FTCDNL1: variants seen among roughly 807,000 people sequenced by gnomAD.
The protein encoded by FTCDNL1 is formiminotransferase cyclodeaminase N-terminal like, also known as formiminotransferase N-terminal subdomain-containing protein.
FTCDNL1 carries 11 observed loss-of-function variants against 5.9 expected under a neutral mutation model. That is an observed-to-expected ratio of 1.87 (90% confidence interval 1.18 to 3.10). The LOEUF (loss-of-function observed/expected upper bound fraction) is 3.10. Ranked by LOEUF, FTCDNL1 falls within the 30% of genes most tolerant of loss-of-function variation. FTCDNL1 has a pLI of 0.00. For synonymous variants in FTCDNL1, 58 were observed against 24.8 expected (o/e 2.34, Z -3.99); for missense variants, 115 against 65.5 (o/e 1.76, Z -2.61).
the FTCDNL1 span, among the ~76,000 whole-genome samples, chr2:199,676,557 T>C: frequency 6.6e-6 from 1 of 151,782 alleles, no homozygotes; most frequent in African/African-American, 2.4e-5. Flanking sequence ...TTATAAAATG[T>C]ACCCCTATAT....
chr2:199,717,985 A>AC, the FTCDNL1 span, among the ~76,000 whole-genome samples: 1 of 49,176 alleles, frequency 2.0e-5, no homozygotes, highest in Admixed American at 2.9e-4. Flanking sequence ...AACCAAAAAA[A>AC]CAAAAAAAAA....
chr2:199,776,568 C>T (rs1350663615), intron 3 of FTCDNL1, among the ~76,000 whole-genome samples: 3 of 152,186 alleles, frequency 2.0e-5, no homozygotes, highest in African/African-American at 7.2e-5. Flanking sequence ...CTCGGGTCCT[C>T]CTCTGCATCT....
At chr2:199,688,927 G>A in the FTCDNL1 span, among the ~76,000 whole-genome samples, 3 of 152,238 alleles carry the variant, frequency 2.0e-5, no homozygotes, top group African/African-American at 7.2e-5. Context: ...CAGAAGGGCA[G>A]CTACTCAGCT....
intron 3 of FTCDNL1, among the ~76,000 whole-genome samples, chr2:199,838,093 A>G (rs1702880536): frequency 6.6e-6 from 1 of 152,238 alleles, no homozygotes; most frequent in South Asian, 2.1e-4. Flanking sequence ...CAACAGGGTC[A>G]TGTTACAGAG....
intron 3 of FTCDNL1, among the ~76,000 whole-genome samples, chr2:199,844,157 T>A (rs79189297): frequency 0.2 from 30,585 of 150,790 alleles, 3,799 homozygotes; most frequent in South Asian, 0.28. Flanking sequence ...ATAAAATTAT[T>A]GATTTTTTTT....
At chr2:199,723,500 G>C in the FTCDNL1 span, among the ~76,000 whole-genome samples, 2 of 152,046 alleles carry the variant, frequency 1.3e-5, no homozygotes, top group Non-Finnish European at 2.9e-5. Flanking sequence ...TGCCCATTCA[G>C]TATGATATTG....
chr2:199,688,813 C>T, the FTCDNL1 span, among the ~76,000 whole-genome samples: 1 of 152,180 alleles, frequency 6.6e-6, no homozygotes, highest in East Asian at 1.9e-4. Flanking sequence ...AGTTCTGCCT[C>T]GGGTTGATAG....
At chr2:199,703,724 T>G in the FTCDNL1 span, among the ~76,000 whole-genome samples, 1 of 152,196 alleles carries the variant, frequency 6.6e-6, no homozygotes, top group Non-Finnish European at 1.5e-5. Flanking sequence ...AACTTACCCA[T>G]GTAACAAACC....
At chr2:199,738,855 C>T in the FTCDNL1 span, among the ~76,000 whole-genome samples, 4 of 152,170 alleles carry the variant, frequency 2.6e-5, no homozygotes, top group African/African-American at 7.2e-5. Flanking sequence ...AGTACTATAG[C>T]TTAAGACCCA....
chr2:199,812,820 T>A (rs1049389470), intron 4 of FTCDNL1, 96 bp from the exon 5 acceptor site: 2 of 602,138 alleles, frequency 3.3e-6, no homozygotes, highest in Non-Finnish European at 3.0e-6. Context: ...TTACTCCTAG[T>A]TAAATATTTT....
chr2:199,849,812 A>C (rs2106635079), intron 1 of FTCDNL1, among the ~76,000 whole-genome samples: 1 of 152,314 alleles, frequency 6.6e-6, no homozygotes, highest in South Asian at 2.1e-4. Context: ...TCAGGACCTC[A>C]TAACTTTGGT....
chr2:199,732,999 T>C, the FTCDNL1 span, among the ~76,000 whole-genome samples: 1 of 152,230 alleles, frequency 6.6e-6, no homozygotes, highest in Non-Finnish European at 1.5e-5. Flanking sequence ...GGGAAATTAT[T>C]AATTCTAACC....
At chr2:199,766,746 G>A (rs1698555787) in intron 3 of FTCDNL1, among the ~76,000 whole-genome samples, 1 of 152,136 alleles carries the variant, frequency 6.6e-6, no homozygotes, top group Non-Finnish European at 1.5e-5. Flanking sequence ...TGCTATGTAT[G>A]CAGATAGTAA....
downstream of FTCDNL1, among the ~76,000 whole-genome samples, chr2:199,757,562 G>GA (rs1285758911): frequency 4.0e-5 from 6 of 151,852 alleles, no homozygotes; most frequent in Non-Finnish European, 7.4e-5. Context: ...TAGATGACCA[G>GA]AAAAAAAAGC....
chr2:199,760,944 C>G (rs1449694155), intron 3 of FTCDNL1: 1 of 688,392 alleles, frequency 1.5e-6, no homozygotes, highest in Non-Finnish European at 2.7e-6. Flanking sequence ...GTCTGGCTGA[C>G]AGTAGCTACC....
At chr2:199,685,694 A>G in the FTCDNL1 span, among the ~76,000 whole-genome samples, 5 of 152,224 alleles carry the variant, frequency 3.3e-5, no homozygotes, top group East Asian at 9.6e-4. Context: ...TTCCTAATCC[A>G]ACACTATGGG....
intron 3 of FTCDNL1, among the ~76,000 whole-genome samples, chr2:199,802,363 T>C (rs1430569734): frequency 1.3e-5 from 2 of 152,196 alleles, no homozygotes; most frequent in Non-Finnish European, 2.9e-5. Flanking sequence ...TCAGGGACTT[T>C]ACAGTCTAGC....
At chr2:199,822,161 G>C (rs577414453) in intron 3 of FTCDNL1, among the ~76,000 whole-genome samples, 3 of 152,256 alleles carry the variant, frequency 2.0e-5, no homozygotes, top group African/African-American at 7.2e-5. Flanking sequence ...CTAACACTTA[G>C]GGAGGCTGAG....
chr2:199,700,462 A>C, the FTCDNL1 span, among the ~76,000 whole-genome samples: 2 of 152,336 alleles, frequency 1.3e-5, no homozygotes, highest in East Asian at 3.9e-4. Flanking sequence ...GTAGTGTAAA[A>C]ATGGCCATAC....
Sources: gnomAD v4.1 joint callset for allele counts (sites outside exome capture counted in the v4.1 genomes callset) on GRCh38, gnomAD v4.1.1 for gene constraint, MANE v1.5 for transcripts, NCBI Gene and HGNC (gene_info 2026-07-23, HGNC 2026-07-21) for gene names.